The following GRM5 variants were observed in gnomAD, a reference collection of about 807,000 sequenced individuals.
The protein encoded by GRM5 is metabotropic glutamate receptor 5.
In GRM5, 19 loss-of-function variants were observed where a neutral mutation model predicts 83.1. That is an observed-to-expected ratio of 0.23 (90% CI 0.16 to 0.34). The LOEUF (loss-of-function observed/expected upper bound fraction) is 0.34. Among genes scored for constraint, GRM5 ranks in the 10% least tolerant of loss-of-function variants. The probability of loss-of-function intolerance (pLI) is 1.00; values close to 1 mark genes in which losing one functional copy is unlikely to be tolerated. For synonymous variants in GRM5, 675 were observed against 633.6 expected, an observed-to-expected ratio of 1.07 and a Z score of -0.98; for missense variants, 1,160 against 1,588.3, an observed-to-expected ratio of 0.73 and a Z score of 4.58.
chr11:89,033,151 G>A lies in GRM5; in HGVS notation c.661+14061C>T, dbSNP rs1266973226. 3.9e-5 allele frequency among the ~76,000 whole-genome samples: 6 copies of A among 152,008 alleles called. No homozygotes were observed. The East Asian group carries it at 1.2e-3, about 29-fold the overall frequency. On this transcript the variant is annotated intron_variant, in intron 2 of 9. Transcript: ENST00000305447. Reference sequence around the variant, plus strand: ...AAGTGCATTAACTGATTATTCAATTGACCATCATAACAAAACATTAGTACA... The same window carrying A: ...AAGTGCATTAACTGATTATTCAATTAACCATCATAACAAAACATTAGTACA...
intron 4 of GRM5, among the ~76,000 whole-genome samples, chr11:88,636,709 A>G (rs1939134174): frequency 1.3e-5 from 2 of 152,174 alleles, no homozygotes; most frequent in Non-Finnish European, 1.5e-5. Context: ...TAATTTTTAA[A>G]TGTGTTATTA....
intron 8 of GRM5, among the ~76,000 whole-genome samples, chr11:88,551,118 G>A (rs139260952): frequency 2.6e-5 from 4 of 152,134 alleles, no homozygotes; most frequent in East Asian, 3.9e-4. Flanking sequence ...TATAAAATGG[G>A]AATAGTAATG....
intron 3 of GRM5, among the ~76,000 whole-genome samples, chr11:88,757,953 G>C (rs1039944706): frequency 4.6e-5 from 7 of 152,126 alleles, no homozygotes; most frequent in Admixed American, 4.6e-4. Context: ...AAGTCCCCTA[G>C]AGTTTGAGGG....
At chr11:88,555,093 C>T (rs966578180) in intron 8 of GRM5, among the ~76,000 whole-genome samples, 9 of 152,112 alleles carry the variant, frequency 5.9e-5, no homozygotes, top group Non-Finnish European at 1.3e-4. Flanking sequence ...TGTCCCTTAC[C>T]AGCTATGTAA....
At chr11:88,782,648 T>C (rs1345073748) in intron 3 of GRM5, among the ~76,000 whole-genome samples, 1 of 152,160 alleles carries the variant, frequency 6.6e-6, no homozygotes, top group Non-Finnish European at 1.5e-5. Flanking sequence ...TTTAAGATTG[T>C]CCCTGTTATA....
intron 2 of GRM5, among the ~76,000 whole-genome samples, chr11:88,919,423 G>A (rs571606111): frequency 6.6e-6 from 1 of 150,874 alleles, no homozygotes; most frequent in East Asian, 1.9e-4. Flanking sequence ...GAGCTAAAGA[G>A]AGTGATAGAT....
chr11:88,786,088 G>A (rs1943062952), intron 3 of GRM5, among the ~76,000 whole-genome samples: 1 of 152,074 alleles, frequency 6.6e-6, no homozygotes, highest in Non-Finnish European at 1.5e-5. Flanking sequence ...GTCATACACT[G>A]TGCCAGGTAC....
chr11:88,514,994 C>T (rs1478995179), intron 9 of GRM5, among the ~76,000 whole-genome samples: 3 of 152,250 alleles, frequency 2.0e-5, no homozygotes, highest in African/African-American at 7.2e-5. Context: ...TCTTACCAGG[C>T]ATTTAATCCC....
intron 3 of GRM5, among the ~76,000 whole-genome samples, chr11:88,674,325 G>C (rs1182300444): frequency 6.6e-6 from 1 of 151,760 alleles, no homozygotes; most frequent in Non-Finnish European, 1.5e-5. Context: ...ATTTGTCTTT[G>C]AAATTTTTCT....
intron 4 of GRM5, among the ~76,000 whole-genome samples, chr11:88,626,031 TTA>T (rs964752539): frequency 2.6e-4 from 39 of 152,160 alleles, no homozygotes; most frequent in African/African-American, 8.9e-4. Flanking sequence ...TATTTTTTTT[TTA>T]CCAGATTACC....
intron 2 of GRM5, among the ~76,000 whole-genome samples, chr11:89,013,343 T>C (rs1591047893): frequency 1.3e-5 from 2 of 152,302 alleles, no homozygotes; most frequent in East Asian, 3.9e-4. Flanking sequence ...TATGAGAATA[T>C]TAGAAAGAAA....
At chr11:88,547,255 G>T (rs1213517113) in intron 8 of GRM5, among the ~76,000 whole-genome samples, 2 of 152,142 alleles carry the variant, frequency 1.3e-5, no homozygotes, top group Non-Finnish European at 1.5e-5. Flanking sequence ...ATATGTTAAG[G>T]TTGAGGTGAT....
At chr11:88,517,355 T>C (rs918828566) in intron 9 of GRM5, among the ~76,000 whole-genome samples, 21 of 152,116 alleles carry the variant, frequency 1.4e-4, no homozygotes, top group Non-Finnish European at 2.4e-4. Flanking sequence ...AGCTACTGAT[T>C]CTTGGAGAAT....
intron 3 of GRM5, among the ~76,000 whole-genome samples, chr11:88,753,472 T>G (rs982428944): frequency 1.3e-5 from 2 of 151,622 alleles, no homozygotes; most frequent in Non-Finnish European, 3.0e-5. Context: ...AGATCGTTGG[T>G]AGAAATGTAC....
At chr11:89,017,186 G>GT (rs1940879858) in intron 2 of GRM5, among the ~76,000 whole-genome samples, 1 of 152,096 alleles carries the variant, frequency 6.6e-6, no homozygotes, top group African/African-American at 2.4e-5. Flanking sequence ...GTGCATCCTT[G>GT]TTCTGGTATG....
chr11:88,670,038 G>A (rs7104925), intron 3 of GRM5, among the ~76,000 whole-genome samples: 18,376 of 151,874 alleles, frequency 0.12, 2,436 homozygotes, highest in African/African-American at 0.33. Context: ...AGATATTAAG[G>A]TTTTAGAAAA....
intron 2 of GRM5, among the ~76,000 whole-genome samples, chr11:88,895,907 T>C (rs1269923416): frequency 6.6e-6 from 1 of 151,970 alleles, no homozygotes; most frequent in African/African-American, 2.4e-5. Context: ...TAAAAACGTA[T>C]GTTTACTAGT....
At chr11:88,797,521 T>G (rs1211057837) in intron 3 of GRM5, among the ~76,000 whole-genome samples, 1 of 152,248 alleles carries the variant, frequency 6.6e-6, no homozygotes, top group Non-Finnish European at 1.5e-5. Context: ...TTAAATGACC[T>G]AAGCAATAGC....
chr11:88,994,883 A>G (rs1940127801), intron 2 of GRM5, among the ~76,000 whole-genome samples: 1 of 152,078 alleles, frequency 6.6e-6, no homozygotes, highest in Non-Finnish European at 1.5e-5. Flanking sequence ...GGAATGCTTC[A>G]CCTATAGCTT....
Sources: allele counts gnomAD v4.1 joint callset (sites outside exome capture counted in the v4.1 genomes callset), GRCh38; gene constraint gnomAD v4.1.1; transcripts MANE v1.5; gene names NCBI Gene and HGNC (gene_info 2026-07-23, HGNC 2026-07-21).